Variants in XRN1 observed in about 807,000 individuals in gnomAD.
XRN1 encodes the protein strand-exchange protein 1 homolog.
A neutral mutation model predicts 222.3 loss-of-function variants in XRN1; 67 were observed. The ratio of observed to expected loss-of-function variants is 0.30; its 90% CI spans 0.25 to 0.37. XRN1 has a LOEUF of 0.37. XRN1 is among the 10% of genes least tolerant of loss of function. The pLI, the probability that XRN1 is intolerant of heterozygous loss-of-function variation, is 1.00. For synonymous variants in XRN1, 643 were observed against 652.4 expected (o/e 0.99, Z 0.22); for missense variants, 1,707 against 2,000.2 (o/e 0.85, Z 2.80).
At chr3:142,431,869 ATTATATTATATATATTATATATAAT>A (rs2069560061) in intron 2 of XRN1, among the ~76,000 whole-genome samples, 1 of 71,316 alleles carries the variant, frequency 1.4e-5, no homozygotes, top group African/African-American at 8.0e-5. Context: ...TATATAATAT[ATTATATTATATATATTATATATAAT>A]ATATATATTA....
chr3:142,312,288 GAATAAT>G (rs540773237), intron 40 of XRN1, among the ~76,000 whole-genome samples: 1 of 151,608 alleles, frequency 6.6e-6, no homozygotes, highest in Admixed American at 6.6e-5. Context: ...CCAAAAAAAT[GAATAAT>G]AATAATAATA....
chr3:142,382,504 C>G (rs1239251756), intron 22 of XRN1, among the ~76,000 whole-genome samples: 5 of 152,112 alleles, frequency 3.3e-5, no homozygotes, highest in African/African-American at 1.2e-4. Flanking sequence ...TGGTAGTACC[C>G]TCAACCTGGT....
intron 39 of XRN1, among the ~76,000 whole-genome samples, chr3:142,313,994 T>C (rs1207459887): frequency 6.6e-6 from 1 of 152,206 alleles, no homozygotes; most frequent in African/African-American, 2.4e-5. Flanking sequence ...GGAGTCATAA[T>C]GCTAAGAAGG....
chr3:142,356,989 T>C lies in XRN1; in HGVS notation c.3595A>G (p.Ser1199Gly), dbSNP rs1277689963. 2 of 1,614,130 alleles carry C rather than the reference T, an allele frequency of 1.2e-6. No homozygotes were observed. Among genetic ancestry groups the C allele is most frequent in the Non-Finnish European group, 1.7e-6 (2 of 1,180,004 alleles). ...CCAGAGGAAACTGATGAACTTGAGC[T>C]ATGTTGATGTACAGCTGGTTGTGGT... ...VKPQPAVHQH[S>G]SSSSVSSGHL... The change falls in exon 31 of 41, where the codon AGC (serine) becomes GGC (glycine). Residue 1199 changes from serine to glycine, a missense_variant. Around this residue, in one of 2 missense-constraint regions of XRN1, gnomAD observed 1,234 missense variants for 1,518.2 expected, o/e 0.81. Transcript: ENST00000392981.
intron 33 of XRN1, among the ~76,000 whole-genome samples, chr3:142,338,056 ACTACACGTC>A (rs1225596509): frequency 6.6e-6 from 1 of 152,188 alleles, no homozygotes; most frequent in Non-Finnish European, 1.5e-5. Flanking sequence ...GGCCACAAGG[ACTACACGTC>A]CTAGTGTTGA....
intron 25 of XRN1, 91 bp downstream of exon 25, chr3:142,375,707 T>G: frequency 7.9e-7 from 1 of 1,268,422 alleles, no homozygotes; most frequent in Non-Finnish European, 1.0e-6. Flanking sequence ...AATGGAAATA[T>G]TTGTCCTCTA....
intron 29 of XRN1, 136 bp from the exon 30 acceptor site, chr3:142,360,067 G>A: frequency 2.0e-6 from 1 of 495,784 alleles, no homozygotes; most frequent in Non-Finnish European, 3.4e-6. Context: ...TATGAACAAT[G>A]GCATAATATT....
Position 142,309,955 on chromosome 3 carries a change from A to G in XRN1, c.*1556T>C, listed in dbSNP as rs1311107494. On this transcript the variant is annotated 3_prime_UTR_variant, in exon 41 of 41. Transcript: ENST00000392981. ...AAGATCCCACTACAGATAAAGAAAC[A>G]ATGTTGGGAACTGATAAACATCTGA... The G allele has an allele frequency of 6.6e-6, 1 of 152,614 alleles. No homozygotes were observed. Among genetic ancestry groups the G allele is most frequent in the Non-Finnish European group, 1.5e-5 (1 of 68,036 alleles). The allele number at this position is 152,614 out of a possible 1,614,324, so 9.5% of individuals were successfully genotyped here.
chr3:142,403,612 C>T (rs2068228851), intron 18 of XRN1, 62 bp downstream of exon 18: 3 of 1,477,820 alleles, frequency 2.0e-6, no homozygotes, highest in South Asian at 2.4e-5. Flanking sequence ...GTAAACATCC[C>T]AGCAGCTACA....
chr3:142,326,356 A>G (rs1182925793), intron 37 of XRN1, among the ~76,000 whole-genome samples: 1 of 152,012 alleles, frequency 6.6e-6, no homozygotes, highest in Non-Finnish European at 1.5e-5. Context: ...TTTTCATTGT[A>G]GAGATCTTTC....
chr3:142,359,678 C>T (rs913257236), intron 30 of XRN1, among the ~76,000 whole-genome samples, 184 bp downstream of exon 30: 5 of 152,156 alleles, frequency 3.3e-5, no homozygotes, highest in African/African-American at 1.2e-4. Context: ...AATTACCTCC[C>T]TCACTAAAAT....
chr3:142,383,511 T>A, intron 21 of XRN1, 98 bp from the exon 22 acceptor site: 1 of 1,015,144 alleles, frequency 9.9e-7, no homozygotes, highest in Non-Finnish European at 1.4e-6. Context: ...TTTGCAAATG[T>A]CAATGTGAAG....
At chr3:142,418,321 G>T (rs2068866421) in intron 12 of XRN1, 183 bp downstream of exon 12, 1 of 466,660 alleles carries the variant, frequency 2.1e-6, no homozygotes, top group Non-Finnish European at 3.7e-6. Flanking sequence ...TTTATCACAG[G>T]AATATAATAC....
At chr3:142,350,795 T>G (rs960127988) in intron 32 of XRN1, among the ~76,000 whole-genome samples, 2 of 152,158 alleles carry the variant, frequency 1.3e-5, no homozygotes, top group African/African-American at 4.8e-5. Flanking sequence ...TCTTAAGGTC[T>G]GAGTGAAAGG....
Position 142,343,972 on chromosome 3 carries a change from A to G in XRN1, c.3877+3262T>C, listed in dbSNP as rs117450444. On this transcript the variant is annotated intron_variant, in intron 33 of 40. Coordinates refer to ENST00000392981, the MANE Select transcript of XRN1 (RefSeq NM_001282857.2). ...AACTGGAGATCATATGTTAGGTGAA[A>G]TAAGCCAGGCACAGAAAGACAAATT... 7.5e-4 allele frequency among the ~76,000 whole-genome samples: 114 copies of G among 152,302 alleles called. No homozygotes were observed. In the East Asian group the frequency reaches 0.018, roughly 24 times the overall value.
In XRN1 at chr3:142,371,407, T is replaced by A. The variant is rs895576571; in HGVS notation, c.2979-79A>T. 4.8e-6 allele frequency: 5 copies of A among 1,043,226 alleles called. No homozygotes were observed. The African/African-American group carries it at 6.5e-5, about 14-fold the overall frequency. The allele number at this position is 1,043,226 out of a possible 1,614,324, so 64.6% of individuals were successfully genotyped here. On this transcript the variant is annotated intron_variant, in intron 25 of 40. Transcript: ENST00000392981. ...AAACTTCCTACATAATAATTTCAGA[T>A]CCTAAAGAAACATATAAAGCTTATT... is the stretch of plus-strand genomic sequence containing the variant.
intron 34 of XRN1, among the ~76,000 whole-genome samples, chr3:142,334,294 A>C (rs2065785526): frequency 6.6e-6 from 1 of 152,118 alleles, no homozygotes; most frequent in Admixed American, 6.5e-5. Flanking sequence ...CTAAACATTA[A>C]TGGGTTCCAT....
At chr3:142,341,265 A>G (rs957461086) in intron 33 of XRN1, among the ~76,000 whole-genome samples, 1 of 152,154 alleles carries the variant, frequency 6.6e-6, no homozygotes, top group Non-Finnish European at 1.5e-5. Context: ...TGCAAGACTC[A>G]TAACTTCAAA....
intron 2 of XRN1, 79 bp downstream of exon 2, chr3:142,432,582 G>T: frequency 1.6e-6 from 2 of 1,252,124 alleles, no homozygotes; most frequent in Non-Finnish European, 2.2e-6. Context: ...ACAGAAGATT[G>T]TGTTAAATCA....
Sources: gnomAD v4.1 joint callset for allele counts (sites outside exome capture counted in the v4.1 genomes callset) on GRCh38, gnomAD v4.1.1 for gene constraint, gnomAD v4.1.1 regional missense constraint, MANE v1.5 for transcripts, NCBI Gene and HGNC (gene_info 2026-07-23, HGNC 2026-07-21) for gene names.